WDR17: variants seen among roughly 807,000 people sequenced by gnomAD.
WDR17 encodes the protein WD repeat-containing protein 17.
A neutral mutation model predicts 161.7 loss-of-function variants in WDR17; 143 were observed. The observed-to-expected ratio is 0.88, with a 90% CI of 0.77 to 1.02. The LOEUF is 1.02. Among genes scored for constraint, WDR17 ranks in the 50% least tolerant of loss-of-function variants. The probability of loss-of-function intolerance (pLI) is 0.00; values close to 1 mark genes in which losing one functional copy is unlikely to be tolerated. For missense variants in WDR17, 1,469 were observed against 1,520.9 expected, an observed-to-expected ratio of 0.97 and a Z score of 0.57; for synonymous variants, 517 against 515.6, an observed-to-expected ratio of 1.00 and a Z score of -0.04.
chr4:176,170,901 C>T (rs1002789383), intron 23 of WDR17, among the ~76,000 whole-genome samples: 4 of 152,158 alleles, frequency 2.6e-5, no homozygotes, highest in Admixed American at 1.3e-4. Context: ...AAATATTCTA[C>T]GTCAAAAATA....
intron 18 of WDR17, among the ~76,000 whole-genome samples, chr4:176,157,813 G>A (rs926426159): frequency 3.3e-5 from 5 of 152,174 alleles, no homozygotes; most frequent in Non-Finnish European, 7.3e-5. Context: ...AGTTTAAAAT[G>A]TGGTGTATCC....
chr4:176,072,820 T>C (rs1733414337), intron 1 of WDR17, among the ~76,000 whole-genome samples: 1 of 152,198 alleles, frequency 6.6e-6, no homozygotes, highest in African/African-American at 2.4e-5. Context: ...ACAGAAAAAT[T>C]ACACAATTCA....
intron 1 of WDR17, among the ~76,000 whole-genome samples, chr4:176,089,823 TC>T (rs1735890526): frequency 6.6e-6 from 1 of 152,084 alleles, no homozygotes; most frequent in Non-Finnish European, 1.5e-5. Flanking sequence ...TGGTGATTTT[TC>T]CCTGGTTCCT....
chr4:176,098,815 A>AT (rs1030589864), intron 1 of WDR17, among the ~76,000 whole-genome samples: 1 of 151,270 alleles, frequency 6.6e-6, no homozygotes, highest in African/African-American at 2.4e-5. Context: ...AAAAATATCT[A>AT]TTTTTTTTGA....
chr4:176,090,719 T>C (rs749899312), intron 1 of WDR17, among the ~76,000 whole-genome samples: 2 of 152,088 alleles, frequency 1.3e-5, no homozygotes, highest in African/African-American at 2.4e-5. Context: ...ATATAGAGTA[T>C]GGAGTGGGAA....
chr4:176,125,434 G>T lies in WDR17; in HGVS notation c.790+79G>T, dbSNP rs1457680740. On this transcript the variant is annotated intron_variant, in intron 5 of 28. Transcript: ENST00000508596. ...TGAATTTAGGAAATTGTCCTTTATAGGTTGATTTTGTGTAAAATGTATTAA... is the reference window on the plus strand; with the variant it reads ...TGAATTTAGGAAATTGTCCTTTATATGTTGATTTTGTGTAAAATGTATTAA... The T allele has an allele frequency of 1.4e-5, 21 of 1,506,930 alleles. No homozygotes were observed. The East Asian group carries it at 4.3e-4, about 31-fold the overall frequency. The allele number at this position is 1,506,930 out of a possible 1,614,324, so 93.3% of individuals were successfully genotyped here.
At chr4:176,159,076 T>C (rs753954802) in intron 18 of WDR17, among the ~76,000 whole-genome samples, 10 of 152,122 alleles carry the variant, frequency 6.6e-5, no homozygotes, top group Admixed American at 1.3e-4. Flanking sequence ...ATACTTTCCA[T>C]TTTCAGCATG....
chr4:176,116,058 C>G (rs1266452983), intron 3 of WDR17, 79 bp downstream of exon 3: 33 of 1,366,660 alleles, frequency 2.4e-5, no homozygotes, highest in Non-Finnish European at 3.1e-5. Flanking sequence ...ATTAGTTCAG[C>G]TTTTAAAATG....
At chr4:176,128,930 A>C (rs1742927002) in intron 6 of WDR17, 70 bp downstream of exon 6, 4 of 1,358,606 alleles carry the variant, frequency 2.9e-6, no homozygotes, top group Non-Finnish European at 3.9e-6. Context: ...AAAATGGTAT[A>C]GTGAGATATC....
intron 1 of WDR17, among the ~76,000 whole-genome samples, chr4:176,076,238 TATATATATATATATATAC>T: frequency 2.6e-5 from 1 of 38,246 alleles, no homozygotes; most frequent in Non-Finnish European, 8.0e-5. Flanking sequence ...TATATATATA[TATATATATATATATATAC>T]ACACACACAC....
At chr4:176,170,712 C>A (rs1269466184) in intron 23 of WDR17, among the ~76,000 whole-genome samples, 1 of 152,142 alleles carries the variant, frequency 6.6e-6, no homozygotes, top group African/African-American at 2.4e-5. Flanking sequence ...TTATTCACCT[C>A]GTCTTTTCAT....
chr4:176,116,030 A>G, intron 3 of WDR17, 51 bp downstream of exon 3: 4 of 1,507,028 alleles, frequency 2.7e-6, no homozygotes, highest in Non-Finnish European at 3.6e-6. Flanking sequence ...TTTTATTTCA[A>G]CAAGCACTAT....
At chr4:176,149,752 TAAA>T (rs1746804984) in intron 13 of WDR17, 52 bp from the exon 14 acceptor site, 14 of 1,592,128 alleles carry the variant, frequency 8.8e-6, no homozygotes, top group Middle Eastern at 3.3e-4. Flanking sequence ...CACATATAAA[TAAA>T]AAATATTTTT....
At chr4:176,076,252 TATAC>T (rs1438405636) in intron 1 of WDR17, among the ~76,000 whole-genome samples, 43 of 68,354 alleles carry the variant, frequency 6.3e-4, no homozygotes, top group African/African-American at 1.1e-3. Context: ...TATATATATA[TATAC>T]ACACACACAC....
At position 176,163,243 on chromosome 4, in the gene WDR17, C is replaced by G. The variant is rs1174629975; in HGVS notation, c.2940C>G (p.Thr980=). The G allele has an allele frequency of 6.2e-7, 1 of 1,613,298 alleles. No homozygotes were observed. Among genetic ancestry groups the G allele is most frequent in the Non-Finnish European group, 8.5e-7 (1 of 1,179,760 alleles). ...TAGGAGAGTCTGCAGCACCAGCAAC[C>G]CACTATGCCTTAGAATTACTGGCGA... ...TVLGESAAPA[T]HYALELLARK... The change falls in exon 22 of 29, where the codon ACC becomes ACG. Residue 980 remains threonine, a synonymous_variant. Transcript: ENST00000508596.
At chr4:176,082,910 C>CTTA (rs34432490) in intron 1 of WDR17, among the ~76,000 whole-genome samples, 31,956 of 151,778 alleles carry the variant, frequency 0.21, 3,588 homozygotes, top group South Asian at 0.27. Flanking sequence ...TTTTGAAAAG[C>CTTA]TTATACTTTT....
intron 5 of WDR17, 84 bp downstream of exon 5, chr4:176,125,439 A>G (rs1742303146): frequency 6.7e-7 from 1 of 1,494,708 alleles, no homozygotes; most frequent in Non-Finnish European, 9.0e-7. Context: ...TTATAGGTTG[A>G]TTTTGTGTAA....
chr4:176,109,597 C>G (rs1739372644), intron 1 of WDR17, among the ~76,000 whole-genome samples: 1 of 152,024 alleles, frequency 6.6e-6, no homozygotes, highest in Admixed American at 6.6e-5. Context: ...AAAGTAGATC[C>G]TTTTCAGAAG....
intron 1 of WDR17, among the ~76,000 whole-genome samples, chr4:176,075,059 T>A (rs966083129): frequency 3.9e-5 from 6 of 151,948 alleles, no homozygotes; most frequent in Non-Finnish European, 7.4e-5. Flanking sequence ...GAAACATAAG[T>A]CTGACATGCC....
Sources: allele counts gnomAD v4.1 joint callset (sites outside exome capture counted in the v4.1 genomes callset), GRCh38; gene constraint gnomAD v4.1.1; transcripts MANE v1.5; gene names NCBI Gene and HGNC (gene_info 2026-07-23, HGNC 2026-07-21).